ZDHHC11: variants seen among roughly 807,000 people sequenced by gnomAD.
The protein encoded by ZDHHC11 is palmitoyltransferase ZDHHC11.
A neutral mutation model predicts 51.3 loss-of-function variants in ZDHHC11; 44 were observed. The observed-to-expected ratio is 0.86, with a 90% CI of 0.67 to 1.10. The LOEUF is 1.10. Among genes scored for constraint, ZDHHC11 ranks in the 50% least tolerant of loss-of-function variants. The probability of loss-of-function intolerance (pLI) is 0.00; values close to 1 mark genes in which losing one functional copy is unlikely to be tolerated. For missense variants in ZDHHC11, 400 were observed against 537.7 expected, an observed-to-expected ratio of 0.74 and a Z score of 2.53; for synonymous variants, 163 against 222.0, an observed-to-expected ratio of 0.73 and a Z score of 2.36.
chr5:801,197 A>C, intron 11 of ZDHHC11, 33 bp from the exon 12 acceptor site: 1 of 1,607,890 alleles, frequency 6.2e-7, no homozygotes, highest in Non-Finnish European at 8.5e-7. Context: ...GAAACAACAG[A>C]GAACGTATGA....
chr5:812,076 T>C (rs1213919391), intron 11 of ZDHHC11, among the ~76,000 whole-genome samples: 2 of 135,940 alleles, frequency 1.5e-5, no homozygotes, highest in Non-Finnish European at 3.0e-5. Flanking sequence ...TAACCTTAGC[T>C]CTCTCCCTGT....
chr5:821,755 G>A (rs984823096), intron 9 of ZDHHC11, 106 bp downstream of exon 9: 8 of 1,170,760 alleles, frequency 6.8e-6, no homozygotes, highest in Non-Finnish European at 9.6e-6. Context: ...CAGGATATTT[G>A]AAGACATTAA....
chr5:812,417 C>A (rs1434871857), intron 11 of ZDHHC11, among the ~76,000 whole-genome samples: 1 of 151,660 alleles, frequency 6.6e-6, no homozygotes, highest in Non-Finnish European at 1.5e-5. Context: ...AGTGCGCAAA[C>A]CTTTGAAAAG....
chr5:802,312 G>A (rs1415713013), intron 11 of ZDHHC11, among the ~76,000 whole-genome samples: 1 of 150,884 alleles, frequency 6.6e-6, no homozygotes, highest in Non-Finnish European at 1.5e-5. Flanking sequence ...GAAGTGACAG[G>A]ACTCAGTAAG....
Position 805,317 on chromosome 5 carries a change from A to C in ZDHHC11, c.1182-4153T>G, listed in dbSNP as rs904449168. On this transcript the variant is annotated intron_variant, in intron 11 of 12. Coordinates refer to ENST00000283441, the MANE Select transcript of ZDHHC11 (RefSeq NM_024786.3). ...GCCAGGCGTGGTGATGTGTGCCTGTAGTCCTAGTTACTTGGAAGGTTGAGG... is the reference window on the plus strand; with the variant it reads ...GCCAGGCGTGGTGATGTGTGCCTGTCGTCCTAGTTACTTGGAAGGTTGAGG... Among the ~76,000 whole-genome samples, 31 of 150,812 alleles carry C rather than the reference A, an allele frequency of 2.1e-4. 1 individual carries two copies. The highest frequency in any genetic ancestry group is 1.5e-5 in the Non-Finnish European group (1 of 67,464).
intron 3 of ZDHHC11, among the ~76,000 whole-genome samples, chr5:844,952 T>A (rs554809661): frequency 4.6e-5 from 7 of 152,426 alleles, no homozygotes; most frequent in East Asian, 3.9e-4. Context: ...GATATTTTTT[T>A]AAAAGTATCC....
rs1346490447 is a variant in ZDHHC11, at chr5:824,151, A to G, written c.1023+1013T>C. On this transcript the variant is annotated intron_variant, in intron 8 of 12. Coordinates refer to ENST00000283441, the MANE Select transcript of ZDHHC11 (RefSeq NM_024786.3). ...ACCTCCAGAAGCTGGCCCCATGACA[A>G]AACCTGCTCAAAAGGACCAGCCTGC... The G allele has an allele frequency of 2.9e-5, 13 of 449,180 alleles. No homozygotes were observed. In the East Asian group the frequency reaches 9.1e-4, roughly 31 times the overall value. 27.8% of individuals were successfully genotyped at this position (449,180 alleles called of 1,614,324 possible).
At chr5:799,866 T>C (rs1374535404) in intron 12 of ZDHHC11, among the ~76,000 whole-genome samples, 3 of 151,492 alleles carry the variant, frequency 2.0e-5, no homozygotes, top group Non-Finnish European at 4.4e-5. Context: ...ATCTCTTTCA[T>C]CTCCCCTTCA....
intron 5 of ZDHHC11, among the ~76,000 whole-genome samples, chr5:837,945 G>A (rs1744142490): frequency 6.6e-6 from 1 of 151,932 alleles, no homozygotes; most frequent in Admixed American, 6.5e-5. Flanking sequence ...GACACTGGGT[G>A]GGGCGCACCT....
At chr5:855,512 T>G (rs1312633390), upstream of ZDHHC11, among the ~76,000 whole-genome samples, 251 of 48,252 alleles carry the variant, frequency 5.2e-3, no homozygotes, top group Middle Eastern at 0.019. Flanking sequence ...CAAGCTGGGG[T>G]CACAGACCCC....
intron 11 of ZDHHC11, among the ~76,000 whole-genome samples, chr5:807,435 T>G (rs1313714224): frequency 6.6e-6 from 1 of 151,394 alleles, no homozygotes; most frequent in East Asian, 1.9e-4. Flanking sequence ...AAAGATGATG[T>G]CAGACTCTGC....
At chr5:852,093 C>T (rs770766729), upstream of ZDHHC11, among the ~76,000 whole-genome samples, 1 of 151,364 alleles carries the variant, frequency 6.6e-6, no homozygotes, top group Non-Finnish European at 1.5e-5. Flanking sequence ...GTCAAAGTTA[C>T]CAAGGAAGGA....
chr5:812,597 A>C (rs1740243014), intron 11 of ZDHHC11, among the ~76,000 whole-genome samples: 1 of 151,250 alleles, frequency 6.6e-6, no homozygotes, highest in South Asian at 2.1e-4. Context: ...AATTGAAGGA[A>C]ATTTGCATTG....
At position 821,858 on chromosome 5, in the gene ZDHHC11, C is replaced by G. The variant is rs777853392; in HGVS notation, c.1058+3G>C. 1 of 1,603,776 alleles carries G rather than the reference C, an allele frequency of 6.2e-7. No individual in the cohort carries two copies. The highest frequency in any genetic ancestry group is 1.7e-5 in the Admixed American group (1 of 59,330). ...AATAATCCCATTAAACTTACAAACT[C>G]ACCCAAGTGCAGATGGACACGGGTC... On this transcript the variant is annotated splice_donor_region_variant and intron_variant, in intron 9 of 12. Coordinates refer to ENST00000283441, the MANE Select transcript of ZDHHC11 (RefSeq NM_024786.3).
At chr5:837,051 T>C (rs1012835523) in intron 6 of ZDHHC11, among the ~76,000 whole-genome samples, 1 of 151,448 alleles carries the variant, frequency 6.6e-6, no homozygotes. Context: ...AGCGAGACTC[T>C]GTCTCAAAAA....
At chr5:806,020 G>A (rs1415621411) in intron 11 of ZDHHC11, among the ~76,000 whole-genome samples, 3 of 151,252 alleles carry the variant, frequency 2.0e-5, no homozygotes, top group Non-Finnish European at 3.0e-5. Flanking sequence ...AGGGTCTGAC[G>A]TCAGGACACC....
chr5:809,506 G>C (rs1468882705), intron 11 of ZDHHC11, among the ~76,000 whole-genome samples: 2 of 149,854 alleles, frequency 1.3e-5, no homozygotes, highest in Non-Finnish European at 3.0e-5. Context: ...GTGAGGACAA[G>C]CAGAGGAGGC....
At chr5:837,030 C>A (rs184007092) in intron 6 of ZDHHC11, among the ~76,000 whole-genome samples, 1 of 151,624 alleles carries the variant, frequency 6.6e-6, no homozygotes, top group East Asian at 1.9e-4. Context: ...TCACTCCACC[C>A]TGGGCAACAG....
chr5:855,121 G>A (rs1163517605), upstream of ZDHHC11, among the ~76,000 whole-genome samples: 4 of 149,414 alleles, frequency 2.7e-5, no homozygotes, highest in South Asian at 4.3e-4. Context: ...AGCGAGCCGC[G>A]GGGACAGACC....
Sources: allele counts gnomAD v4.1 joint callset (sites outside exome capture counted in the v4.1 genomes callset), GRCh38; gene constraint gnomAD v4.1.1; transcripts MANE v1.5; gene names NCBI Gene and HGNC (gene_info 2026-07-23, HGNC 2026-07-21).